OR2AE1: variants seen among roughly 807,000 people sequenced by gnomAD.
OR2AE1 encodes the protein olfactory receptor family 2 subfamily AE member 1.
For missense variants in OR2AE1, 400 were observed against 395.6 expected, an observed-to-expected ratio of 1.01 and a Z score of -0.09; for synonymous variants, 159 against 153.6, an observed-to-expected ratio of 1.04 and a Z score of -0.26.
In OR2AE1 at chr7:99,876,440, T is replaced by C; in HGVS notation, c.594A>G (p.Thr198=). Reference sequence around the variant, plus strand: ...GGAGGAGAATGCTGCTGATGTACACTGTGGTCTCATACACAGTGATGTCGC... The same window carrying C: ...GGAGGAGAATGCTGCTGATGTACACCGTGGTCTCATACACAGTGATGTCGC... ...VCGDITVYET[T]VYISSILLLL... Residue 198 remains threonine, a synonymous_variant, in exon 1 of 1, where the codon ACA becomes ACG. Transcript: ENST00000316368. The C allele has an allele frequency of 1.9e-6, 3 of 1,614,210 alleles. No homozygotes were observed. In the South Asian group the frequency reaches 3.3e-5, roughly 18 times the overall value.
Position 99,876,333 on chromosome 7 carries a change from C to A in OR2AE1, c.701G>T (p.Arg234Ile). 2 of 1,614,238 alleles carry A rather than the reference C, an allele frequency of 1.2e-6. No individual in the cohort carries two copies. Among genetic ancestry groups the A allele is most frequent in the East Asian group, 2.2e-5 (1 of 44,886 alleles). ...GGAGCCACAAGTGGCAAAGGCATTTCTCTTGCTCCCAGATGAGCGCATCTG... is the reference window on the plus strand; with the variant it reads ...GGAGCCACAAGTGGCAAAGGCATTTATCTTGCTCCCAGATGAGCGCATCTG... ...VIQMRSSGSK[R>I]NAFATCGSHL... is the part of the protein sequence containing the mutation. The change falls in exon 1 of 1, where the codon AGA becomes ATA. Residue 234 changes from arginine to isoleucine, a missense_variant. Transcript: ENST00000316368.
chr7:99,877,025 C>A lies in OR2AE1; in HGVS notation c.9G>T (p.Gln3His), dbSNP rs779010661. ...AGTCTGCCAGAGAGGTCTGATTCTT[C>A]TGCCACATTGTCCCCTTTCTCAATC... MWQKNQTSLADFI... is the reference protein window; with the variant it reads MWHKNQTSLADFI... Residue 3 changes from glutamine (Q) to histidine (H), a missense_variant, in exon 1 of 1, where the codon CAG (glutamine) becomes CAT (histidine). Transcript: ENST00000316368. 3.1e-6 allele frequency: 5 copies of A among 1,608,896 alleles called. No individual in the cohort carries two copies. The Admixed American group carries it at 8.4e-5, about 27-fold the overall frequency.
At position 99,876,105 on chromosome 7, in the gene OR2AE1, G is replaced by T. The variant is rs758384694; in HGVS notation, c.929C>A (p.Thr310Asn). 6.2e-7 allele frequency: 1 copy of T among 1,610,932 alleles called. No homozygotes were observed. The change falls in exon 1 of 1, where the codon ACC becomes AAC. Residue 310 changes from threonine to asparagine, a missense_variant. By Grantham distance (65) the Thr-to-Asn change is moderately conservative. Coordinates refer to ENST00000316368, the MANE Select transcript of OR2AE1 (RefSeq NM_001005276.1). ...CAATTGCAGTCGTTGAATGCACTGGGTGATAACATCTCTCCTCAGCACTCT... is the reference window on the plus strand; with the variant it reads ...CAATTGCAGTCGTTGAATGCACTGGTTGATAACATCTCTCCTCAGCACTCT... ...LRRVLRRDVI[T>N]QCIQRLQLWL...
chr7:99,876,275 G>A lies in OR2AE1; in HGVS notation c.759C>T (p.Ala253=), dbSNP rs1194939565. 2 of 1,614,206 alleles carry A rather than the reference G, an allele frequency of 1.2e-6. No individual in the cohort carries two copies. The highest frequency in any genetic ancestry group is 1.1e-5 in the South Asian group (1 of 91,080). ...TGGGTCTCATGTAGGAGAAGATGCA[G>A]GCACCAAACCAAAGAGAAACCACCG... ...HLTVVSLWFG[A]CIFSYMRPRS... is the part of the protein sequence containing the mutation. The change falls in exon 1 of 1, where the codon GCC becomes GCT. Residue 253 remains alanine, a synonymous_variant. Coordinates refer to ENST00000316368, the MANE Select transcript of OR2AE1 (RefSeq NM_001005276.1).
chr7:99,876,267 A>AAGAT lies in OR2AE1; in HGVS notation c.763_766dup (p.Phe256TyrfsTer40). On this transcript the variant is annotated frameshift_variant, in exon 1 of 1. Transcript: ENST00000316368. LOFTEE classifies it low-confidence loss of function (END_TRUNC). ...CTGGGACCTGGGTCTCATGTAGGAG[A>AAGAT]AGATGCAGGCACCAAACCAAAGAGA... 6.2e-7 allele frequency: 1 copy of AAGAT among 1,614,198 alleles called. No individual in the cohort carries two copies. The highest frequency in any genetic ancestry group is 8.5e-7 in the Non-Finnish European group (1 of 1,180,024).
chr7:99,876,141 T>C lies in OR2AE1; in HGVS notation c.893A>G (p.Lys298Arg). Residue 298 changes from lysine (K) to arginine (R), a missense_variant, in exon 1 of 1, where the codon AAG becomes AGG. Transcript: ENST00000316368. ...IYTLRNKDVA[K>R]ALRRVLRRDV... ...TCTCCTCAGCACTCTTCTCAGAGCCTTAGCTACATCTTTATTCCGGAGAGT... is the reference window on the plus strand; with the variant it reads ...TCTCCTCAGCACTCTTCTCAGAGCCCTAGCTACATCTTTATTCCGGAGAGT... 6.2e-7 allele frequency: 1 copy of C among 1,614,118 alleles called. No homozygotes were observed. The highest frequency in any genetic ancestry group is 8.5e-7 in the Non-Finnish European group (1 of 1,179,954).
rs1294185425 is a variant in OR2AE1, at chr7:99,876,190, G to T, written c.844C>A (p.Pro282Thr). 6.2e-7 allele frequency: 1 copy of T among 1,614,188 alleles called. No individual in the cohort carries two copies. Among genetic ancestry groups the T allele is most frequent in the South Asian group, 1.1e-5 (1 of 91,088 alleles). The change falls in exon 1 of 1, where the codon CCC (proline) becomes ACC (threonine). Residue 282 changes from proline to threonine, a missense_variant. Physicochemically the swap from Pro to Thr is conservative, Grantham distance 38. Coordinates refer to ENST00000316368, the MANE Select transcript of OR2AE1 (RefSeq NM_001005276.1). ...VGSVFYSIIT[P>T]TLNSLIYTLR... ...GTATAAATCAGAGAATTCAATGTGG[G>T]CGTAATGATGCTGTAGAACACAGAA...
Position 99,876,238 on chromosome 7 carries a change from T to C in OR2AE1, c.796A>G (p.Thr266Ala), listed in dbSNP as rs761527338. The part of the protein sequence containing the change: ...FSYMRPRSQC[T>A]LLQNKVGSVF... Reference sequence around the variant, plus strand: ...GAACCAACTTTGTTCTGCAATAGAGTGCACTGGGACCTGGGTCTCATGTAG... The same window carrying C: ...GAACCAACTTTGTTCTGCAATAGAGCGCACTGGGACCTGGGTCTCATGTAG... Residue 266 changes from threonine (T) to alanine (A), a missense_variant, in exon 1 of 1, where the codon ACT becomes GCT. Transcript: ENST00000316368. 5 of 1,614,064 alleles carry C rather than the reference T, an allele frequency of 3.1e-6. No homozygotes were observed. The Admixed American group carries it at 6.7e-5, about 22-fold the overall frequency.
chr7:99,876,994 G>C lies in OR2AE1; in HGVS notation c.40C>G (p.Leu14Val). The change falls in exon 1 of 1, where the codon CTT becomes GTT. Residue 14 changes from leucine to valine, a missense_variant. Physicochemically the swap from Leu to Val is conservative, Grantham distance 32 (BLOSUM62 1). Coordinates refer to ENST00000316368, the MANE Select transcript of OR2AE1 (RefSeq NM_001005276.1). The part of the protein sequence containing the change: ...KNQTSLADFI[L>V]EGLFDDSLTH... ...AGGGAGTCATCGAAGAGCCCCTCAA[G>C]GATGAAGTCTGCCAGAGAGGTCTGA... is the stretch of plus-strand genomic sequence containing the variant. 6.2e-7 allele frequency: 1 copy of C among 1,613,690 alleles called. No individual in the cohort carries two copies. The highest frequency in any genetic ancestry group is 8.5e-7 in the Non-Finnish European group (1 of 1,179,830).
rs759802294 is a variant in OR2AE1, at chr7:99,876,766, T to G, written c.268A>C (p.Lys90Gln). 1.9e-6 allele frequency: 3 copies of G among 1,613,998 alleles called. No individual in the cohort carries two copies. Among genetic ancestry groups the G allele is most frequent in the Non-Finnish European group, 2.5e-6 (3 of 1,180,010 alleles). ...GCACAGCCCACAAAGGAGATAGATTTCTTGCCAGATAGGTAGTTGGTAGCC... is the reference window on the plus strand; with the variant it reads ...GCACAGCCCACAAAGGAGATAGATTGCTTGCCAGATAGGTAGTTGGTAGCC... Reference protein sequence around the residue: ...KMATNYLSGKKSISFVGCATQ... With the variant: ...KMATNYLSGKQSISFVGCATQ... The change falls in exon 1 of 1, where the codon AAA becomes CAA. Residue 90 changes from lysine (K) to glutamine (Q), a missense_variant. By Grantham distance (53) the Lys-to-Gln change is moderately conservative (BLOSUM62 1). Transcript: ENST00000316368.
Position 99,876,473 on chromosome 7 carries a change from C to T in OR2AE1, c.561G>A (p.Leu187=). 6.8e-6 allele frequency: 11 copies of T among 1,614,160 alleles called. No homozygotes were observed. Among genetic ancestry groups the T allele is most frequent in the Non-Finnish European group, 9.3e-6 (11 of 1,180,028 alleles). Residue 187 remains leucine, a synonymous_variant, in exon 1 of 1, where the codon TTG becomes TTA. Transcript: ENST00000316368. ...FYCEFPAVVK[L]VCGDITVYET... ...CATACACAGTGATGTCGCCACATAC[C>T]AACTTCACAACAGCTGGGAACTCAC... is the stretch of plus-strand genomic sequence containing the variant.
rs1157802772 is a variant in OR2AE1 at position 99,876,168 on chromosome 7, T to C, written c.866A>G (p.Tyr289Cys). Reference protein sequence around the residue: ...IITPTLNSLIYTLRNKDVAKA... With the variant: ...IITPTLNSLICTLRNKDVAKA... ...AGCTACATCTTTATTCCGGAGAGTATAAATCAGAGAATTCAATGTGGGCGT... is the reference window on the plus strand; with the variant it reads ...AGCTACATCTTTATTCCGGAGAGTACAAATCAGAGAATTCAATGTGGGCGT... The change falls in exon 1 of 1, where the codon TAT (tyrosine) becomes TGT (cysteine). Residue 289 changes from tyrosine to cysteine, a missense_variant. Transcript: ENST00000316368. 1 of 1,614,174 alleles carries C rather than the reference T, an allele frequency of 6.2e-7. No individual in the cohort carries two copies. The highest frequency in any genetic ancestry group is 8.5e-7 in the Non-Finnish European group (1 of 1,180,018).
In OR2AE1 at chr7:99,876,279, C is replaced by T; in HGVS notation, c.755G>A (p.Gly252Asp). 1 of 1,614,152 alleles carries T rather than the reference C, an allele frequency of 6.2e-7. No homozygotes were observed. The highest frequency in any genetic ancestry group is 8.5e-7 in the Non-Finnish European group (1 of 1,180,026). Residue 252 changes from glycine (G) to aspartate (D), a missense_variant, in exon 1 of 1, where the codon GGT becomes GAT. Physicochemically the swap from Gly to Asp is moderately conservative, Grantham distance 94. Coordinates refer to ENST00000316368, the MANE Select transcript of OR2AE1 (RefSeq NM_001005276.1). ...SHLTVVSLWF[G>D]ACIFSYMRPR... ...TCTCATGTAGGAGAAGATGCAGGCA[C>T]CAAACCAAAGAGAAACCACCGTGAG...
chr7:99,876,164 A>G lies in OR2AE1; in HGVS notation c.870T>C (p.Thr290=). The G allele has an allele frequency of 6.2e-7, 1 of 1,614,154 alleles. No homozygotes were observed. The highest frequency in any genetic ancestry group is 8.5e-7 in the Non-Finnish European group (1 of 1,180,008). The change falls in exon 1 of 1, where the codon ACT becomes ACC. Residue 290 remains threonine, a synonymous_variant. Coordinates refer to ENST00000316368, the MANE Select transcript of OR2AE1 (RefSeq NM_001005276.1). ...CCTTAGCTACATCTTTATTCCGGAG[A>G]GTATAAATCAGAGAATTCAATGTGG... The part of the protein sequence containing the change: ...ITPTLNSLIY[T]LRNKDVAKAL...
chr7:99,876,374 G>A lies in OR2AE1; in HGVS notation c.660C>T (p.Ile220=). 6.2e-7 allele frequency: 1 copy of A among 1,614,194 alleles called. No individual in the cohort carries two copies. The highest frequency in any genetic ancestry group is 1.3e-5 in the African/African-American group (1 of 75,034). Residue 220 remains isoleucine (I), a synonymous_variant, in exon 1 of 1, where the codon ATC becomes ATT. Transcript: ENST00000316368. ...AGCGCATCTGAATGACACTTTGAAGGATGAAGACATAGGATGTAGAAATCA... is the reference window on the plus strand; with the variant it reads ...AGCGCATCTGAATGACACTTTGAAGAATGAAGACATAGGATGTAGAAATCA... ...IFLISTSYVF[I]LQSVIQMRSS...
chr7:99,876,940 T>G lies in OR2AE1; in HGVS notation c.94A>C (p.Met32Leu), dbSNP rs769211967. ...CTCACCGCAATAAGGAAGACCACCATGGTCAAGGAGAAAAGGAAAAGGTGG... is the reference window on the plus strand; with the variant it reads ...CTCACCGCAATAAGGAAGACCACCAGGGTCAAGGAGAAAAGGAAAAGGTGG... ...LTHLFLFSLT[M>L]VVFLIAVSGN... Residue 32 changes from methionine to leucine, a missense_variant, in exon 1 of 1, where the codon ATG becomes CTG. Coordinates refer to ENST00000316368, the MANE Select transcript of OR2AE1 (RefSeq NM_001005276.1). 3.1e-6 allele frequency: 5 copies of G among 1,613,994 alleles called. No individual in the cohort carries two copies. The East Asian group carries it at 8.9e-5, about 29-fold the overall frequency.
At position 99,876,683 on chromosome 7, in the gene OR2AE1, G is replaced by T; in HGVS notation, c.351C>A (p.Val117=). Reference sequence around the variant, plus strand: ...TGGCAACATAGCGGTCATAGGACATGACAGCTAAGAGAAAACATTCAGCAC... The same window carrying T: ...TGGCAACATAGCGGTCATAGGACATTACAGCTAAGAGAAAACATTCAGCAC... ...LGGAECFLLA[V]MSYDRYVAIC... Residue 117 remains valine, a synonymous_variant, in exon 1 of 1, where the codon GTC becomes GTA. Transcript: ENST00000316368. 1 of 1,614,132 alleles carries T rather than the reference G, an allele frequency of 6.2e-7. No homozygotes were observed. Among genetic ancestry groups the T allele is most frequent in the Middle Eastern group, 1.6e-4 (1 of 6,062 alleles).
rs531357372 is a variant in OR2AE1 at position 99,876,910 on chromosome 7, T to C, written c.124A>G (p.Asn42Asp). The C allele has an allele frequency of 6.2e-7, 1 of 1,613,830 alleles. No individual in the cohort carries two copies. The highest frequency in any genetic ancestry group is 8.5e-7 in the Non-Finnish European group (1 of 1,179,958). The change falls in exon 1 of 1, where the codon AAC becomes GAC. Residue 42 changes from asparagine to aspartate, a missense_variant. Transcript: ENST00000316368. ...CAGATGAGGAGAATGGTGAGGGTGT[T>C]GCCACTCACCGCAATAAGGAAGACC... ...MVVFLIAVSG[N>D]TLTILLICID... is the part of the protein sequence containing the mutation.
At position 99,876,421 on chromosome 7, in the gene OR2AE1, G is replaced by T. The variant is rs1334966566; in HGVS notation, c.613C>A (p.Leu205Ile). Residue 205 changes from leucine to isoleucine, a missense_variant, in exon 1 of 1, where the codon CTC becomes ATC. Physicochemically the swap from Leu to Ile is conservative, Grantham distance 5 (BLOSUM62 2). Coordinates refer to ENST00000316368, the MANE Select transcript of OR2AE1 (RefSeq NM_001005276.1). The stretch of plus-strand genomic sequence containing the variant: ...ATCAGGAAGATGGGGAGGAGGAGGA[G>T]AATGCTGCTGATGTACACTGTGGTC... ...YETTVYISSI[L>I]LLLPIFLIST... is the part of the protein sequence containing the mutation. 1.9e-6 allele frequency: 3 copies of T among 1,614,212 alleles called. No individual in the cohort carries two copies. The Admixed American group carries it at 5.0e-5, about 27-fold the overall frequency.
Sources: gnomAD v4.1 joint callset for allele counts on GRCh38, gnomAD v4.1.1 for gene constraint, MANE v1.5 for transcripts, NCBI Gene and HGNC (gene_info 2026-07-23, HGNC 2026-07-21) for gene names.